PALM2AKAP2: variants seen among roughly 807,000 people sequenced by gnomAD.
The protein encoded by PALM2AKAP2 is PALM2-AKAP2 fusion protein.
A neutral mutation model predicts 71.5 loss-of-function variants in PALM2AKAP2; 37 were observed. The ratio of observed to expected loss-of-function variants is 0.52; its 90% CI spans 0.40 to 0.68. PALM2AKAP2 has a LOEUF of 0.68. Ranked by LOEUF, PALM2AKAP2 falls within the 30% of genes least tolerant of loss-of-function variation. PALM2AKAP2 has a pLI of 0.00. For missense variants in PALM2AKAP2, 1,224 were observed against 1,191.8 expected (o/e 1.03, Z -0.40); for synonymous variants, 468 against 478.8 (o/e 0.98, Z 0.29).
chr9:109,790,802 C>G (rs748079327), intron 1 of PALM2AKAP2, among the ~76,000 whole-genome samples: 8 of 152,148 alleles, frequency 5.3e-5, no homozygotes, highest in Non-Finnish European at 7.3e-5. Context: ...TGTCCTTGCT[C>G]CAGTGGAACT....
chr9:110,155,621 T>A (rs1335217841), intron 2 of PALM2AKAP2, among the ~76,000 whole-genome samples: 1 of 152,214 alleles, frequency 6.6e-6, no homozygotes, highest in African/African-American at 2.4e-5. Context: ...CCTTTTCCAT[T>A]GCCTTTGTTG....
chr9:109,817,121 T>G (rs1403664136), intron 1 of PALM2AKAP2, among the ~76,000 whole-genome samples: 1 of 152,252 alleles, frequency 6.6e-6, no homozygotes, highest in Non-Finnish European at 1.5e-5. Flanking sequence ...ATTATAAAGC[T>G]TCTTTAATCA....
intron 7 of PALM2AKAP2, among the ~76,000 whole-genome samples, chr9:110,032,785 A>G (rs1252286059): frequency 6.6e-6 from 1 of 151,658 alleles, no homozygotes; most frequent in Non-Finnish European, 1.5e-5. Flanking sequence ...ATAAAAAAAC[A>G]AACAAACTAG....
At chr9:110,118,746 T>C (rs1258819147) in intron 1 of PALM2AKAP2, among the ~76,000 whole-genome samples, 1 of 152,206 alleles carries the variant, frequency 6.6e-6, no homozygotes, top group Non-Finnish European at 1.5e-5. Context: ...GAAGCTTACC[T>C]ACACCTGATG....
chr9:109,691,361 C>T (rs1366709916), intron 1 of PALM2AKAP2, among the ~76,000 whole-genome samples: 2 of 151,998 alleles, frequency 1.3e-5, no homozygotes. Context: ...TGTTTATTTA[C>T]AACATAGCCT....
intron 2 of PALM2AKAP2, among the ~76,000 whole-genome samples, chr9:109,877,611 C>G (rs1478912197): frequency 1.3e-5 from 2 of 152,182 alleles, no homozygotes; most frequent in Non-Finnish European, 2.9e-5. Flanking sequence ...GTAAACATTT[C>G]TATAGTACTA....
chr9:109,805,591 G>A (rs1210917776), intron 1 of PALM2AKAP2, among the ~76,000 whole-genome samples: 1 of 152,138 alleles, frequency 6.6e-6, no homozygotes, highest in Non-Finnish European at 1.5e-5. Flanking sequence ...ATCAGTTTCG[G>A]GGAGGCAGCT....
intron 1 of PALM2AKAP2, among the ~76,000 whole-genome samples, chr9:109,736,351 T>C (rs1828635473): frequency 6.6e-6 from 1 of 152,286 alleles, no homozygotes; most frequent in South Asian, 2.1e-4. Context: ...AATAAATTGA[T>C]GATTTATTGG....
chr9:109,972,385 T>G (rs1324868375), intron 6 of PALM2AKAP2, among the ~76,000 whole-genome samples: 1 of 152,206 alleles, frequency 6.6e-6, no homozygotes, highest in African/African-American at 2.4e-5. Flanking sequence ...GGCTTCAATC[T>G]GAAGGACTGT....
intron 1 of PALM2AKAP2, among the ~76,000 whole-genome samples, chr9:109,711,468 T>C (rs979802570): frequency 5.3e-5 from 8 of 152,236 alleles, no homozygotes; most frequent in Non-Finnish European, 1.0e-4. Flanking sequence ...TTTGGTGTTG[T>C]GTTATAGATA....
chr9:110,134,720 A>C (rs1053374928), intron 1 of PALM2AKAP2, among the ~76,000 whole-genome samples: 11 of 152,218 alleles, frequency 7.2e-5, no homozygotes, highest in African/African-American at 2.7e-4. Context: ...GTGGTGTTTT[A>C]ATATTCTAAG....
At chr9:109,966,597 T>C (rs1831954324) in intron 6 of PALM2AKAP2, among the ~76,000 whole-genome samples, 1 of 152,264 alleles carries the variant, frequency 6.6e-6, no homozygotes, top group South Asian at 2.1e-4. Context: ...GATCTTACAA[T>C]AGTATTCAGC....
At chr9:109,783,534 T>A (rs141682728) in intron 1 of PALM2AKAP2, among the ~76,000 whole-genome samples, 3,730 of 152,114 alleles carry the variant, frequency 0.025, 162 homozygotes, top group African/African-American at 0.085. Context: ...CCTGACCTCA[T>A]GTGATCCTCC....
chr9:109,968,263 G>A (rs1190774529), intron 6 of PALM2AKAP2, among the ~76,000 whole-genome samples: 1 of 152,184 alleles, frequency 6.6e-6, no homozygotes, highest in Non-Finnish European at 1.5e-5. Flanking sequence ...GCAACTTGAG[G>A]CCCTCGCGTA....
chr9:109,706,459 G>A (rs886818789), intron 1 of PALM2AKAP2, among the ~76,000 whole-genome samples: 1 of 152,262 alleles, frequency 6.6e-6, no homozygotes, highest in East Asian at 1.9e-4. Flanking sequence ...TACTGGTGGG[G>A]ATATAAAGTG....
chr9:110,002,768 A>G (rs1832703213), intron 6 of PALM2AKAP2, among the ~76,000 whole-genome samples: 1 of 152,104 alleles, frequency 6.6e-6, no homozygotes, highest in East Asian at 1.9e-4. Context: ...GGGAGGGTGT[A>G]TGTGTCGAGG....
chr9:109,829,305 C>T (rs1299074110), intron 1 of PALM2AKAP2, among the ~76,000 whole-genome samples: 1 of 152,156 alleles, frequency 6.6e-6, no homozygotes, highest in Non-Finnish European at 1.5e-5. Flanking sequence ...CCTTTGCATT[C>T]CATCCAAGTA....
intron 1 of PALM2AKAP2, among the ~76,000 whole-genome samples, chr9:109,840,911 C>T (rs919897541): frequency 1.3e-5 from 2 of 152,210 alleles, no homozygotes; most frequent in African/African-American, 4.8e-5. Context: ...CACTTTTACA[C>T]TGTTGGTGGG....
At position 109,935,588 on chromosome 9, in the gene PALM2AKAP2, C is replaced by T. The variant is rs193142609; in HGVS notation, c.496+3560C>T. On this transcript the variant is annotated intron_variant, in intron 6 of 9. Transcript: ENST00000302798. ...ATGAGATTAATCTGCATAGTTTCTG[C>T]TTGATTAACCCATGCTGGCTCTTAG... Among the ~76,000 whole-genome samples, 1,042 of 152,282 alleles carry T rather than the reference C, an allele frequency of 6.8e-3. 12 individuals are homozygous for T. Among genetic ancestry groups the T allele is most frequent in the African/African-American group, 0.024 (1,000 of 41,544 alleles).
Sources: allele counts gnomAD v4.1 joint callset (sites outside exome capture counted in the v4.1 genomes callset), GRCh38; gene constraint gnomAD v4.1.1; transcripts MANE v1.5; gene names NCBI Gene and HGNC (gene_info 2026-07-23, HGNC 2026-07-21).